The following FCHSD2 variants were observed in gnomAD, a reference collection of about 807,000 sequenced individuals.
The protein encoded by FCHSD2 is FCH and double SH3 domains 2.
A neutral mutation model predicts 108.1 loss-of-function variants in FCHSD2; 38 were observed. The ratio of observed to expected loss-of-function variants is 0.35; its 90% CI spans 0.27 to 0.46. FCHSD2 has a LOEUF of 0.46. Ranked by LOEUF, FCHSD2 falls within the 20% of genes least tolerant of loss-of-function variation. The probability of loss-of-function intolerance (pLI) is 1.00; values close to 1 mark genes in which losing one functional copy is unlikely to be tolerated. For synonymous variants in FCHSD2, 279 were observed against 314.7 expected, an observed-to-expected ratio of 0.89 and a Z score of 1.20; for missense variants, 751 against 897.8, an observed-to-expected ratio of 0.84 and a Z score of 2.09.
chr11:73,123,155 T>G (rs769665741), intron 2 of FCHSD2, among the ~76,000 whole-genome samples: 2 of 152,250 alleles, frequency 1.3e-5, no homozygotes, highest in African/African-American at 2.4e-5. Context: ...ACTCTCTTTA[T>G]CTATCATCTA....
chr11:73,111,906 A>G (rs1484160850), intron 2 of FCHSD2, among the ~76,000 whole-genome samples: 1 of 152,070 alleles, frequency 6.6e-6, no homozygotes, highest in Non-Finnish European at 1.5e-5. Flanking sequence ...TTGTCCCCCT[A>G]TTTTTAACTT....
chr11:73,020,083 T>C (rs1858065610), intron 3 of FCHSD2, among the ~76,000 whole-genome samples: 1 of 152,210 alleles, frequency 6.6e-6, no homozygotes, highest in African/African-American at 2.4e-5. Flanking sequence ...CATAAAGATG[T>C]ACTATCAATA....
intron 8 of FCHSD2, among the ~76,000 whole-genome samples, chr11:72,957,180 C>T (rs1164386028): frequency 9.3e-6 from 1 of 107,444 alleles, no homozygotes; most frequent in Non-Finnish European, 1.8e-5. Flanking sequence ...CTATCCCTCC[C>T]CCCTCCCCCC....
intron 3 of FCHSD2, among the ~76,000 whole-genome samples, chr11:73,054,728 T>A (rs1858982751): frequency 6.6e-6 from 1 of 152,110 alleles, no homozygotes; most frequent in Non-Finnish European, 1.5e-5. Context: ...CAGGCTGAAG[T>A]GCAGTGGCAC....
In FCHSD2 at chr11:72,889,854, T is replaced by C. The variant is rs1855277826; in HGVS notation, c.1016A>G (p.His339Arg). ...RKWATRVAREHKNIVHQQRVL... is the reference protein window; with the variant it reads ...RKWATRVARERKNIVHQQRVL... ...CCGTTGTTGGTGAACAATGTTTTTA[T>C]GCTCACGTGCCACACGTGTGGCCCA... The change falls in exon 11 of 20, where the codon CAT becomes CGT. Residue 339 changes from histidine (H) to arginine (R), a missense_variant. By Grantham distance (29) the His-to-Arg change is conservative. Transcript: ENST00000409418. 1 of 1,611,296 alleles carries C rather than the reference T, an allele frequency of 6.2e-7. No individual in the cohort carries two copies. Among genetic ancestry groups the C allele is most frequent in the South Asian group, 1.1e-5 (1 of 91,002 alleles).
At chr11:72,959,023 G>A (rs1856770288) in intron 8 of FCHSD2, among the ~76,000 whole-genome samples, 1 of 151,112 alleles carries the variant, frequency 6.6e-6, no homozygotes, top group African/African-American at 2.4e-5. Context: ...GTGTGTGTGT[G>A]TGTACATCCA....
Position 73,015,890 on chromosome 11 carries a change from TA to T in FCHSD2, c.166-6del. ...ACTAGCCAACTTCTGCATACCCTGT[TA>T]AAAAATACATATTTTTTCTAAAATA... On this transcript the variant is annotated splice_polypyrimidine_tract_variant and splice_region_variant and intron_variant, in intron 3 of 19. Coordinates refer to ENST00000409418, the MANE Select transcript of FCHSD2 (RefSeq NM_014824.3). 3 of 1,535,544 alleles carry T rather than the reference TA, an allele frequency of 2.0e-6. No individual in the cohort carries two copies. Among genetic ancestry groups the T allele is most frequent in the Non-Finnish European group, 2.7e-6 (3 of 1,121,878 alleles).
chr11:73,134,982 T>G (rs907247364), intron 2 of FCHSD2, among the ~76,000 whole-genome samples: 3 of 151,630 alleles, frequency 2.0e-5, no homozygotes, highest in African/African-American at 7.3e-5. Context: ...GTAGCTAGAG[T>G]AGCTAGGATT....
At chr11:73,112,771 C>A (rs1860517459) in intron 2 of FCHSD2, among the ~76,000 whole-genome samples, 1 of 152,102 alleles carries the variant, frequency 6.6e-6, no homozygotes, top group Admixed American at 6.5e-5. Flanking sequence ...GCCTCAGCCT[C>A]CTGAGTAGCT....
chr11:73,135,728 T>C (rs182374528), intron 2 of FCHSD2, among the ~76,000 whole-genome samples: 1 of 152,342 alleles, frequency 6.6e-6, no homozygotes, highest in Admixed American at 6.5e-5. Flanking sequence ...TGTCTTTTCA[T>C]CTCAAACTTC....
At chr11:73,098,032 T>C (rs1379209800) in intron 2 of FCHSD2, among the ~76,000 whole-genome samples, 1 of 152,184 alleles carries the variant, frequency 6.6e-6, no homozygotes, top group African/African-American at 2.4e-5. Flanking sequence ...AACTTTAGTT[T>C]CATTGATTCT....
At chr11:73,121,732 T>C (rs547652239) in intron 2 of FCHSD2, among the ~76,000 whole-genome samples, 6 of 150,750 alleles carry the variant, frequency 4.0e-5, no homozygotes, top group East Asian at 2.0e-4. Flanking sequence ...CTGTAAACAA[T>C]AGCTATAATT....
At chr11:73,129,290 C>T (rs1860935386) in intron 2 of FCHSD2, among the ~76,000 whole-genome samples, 1 of 152,176 alleles carries the variant, frequency 6.6e-6, no homozygotes, top group African/African-American at 2.4e-5. Context: ...GGTCCCCAAC[C>T]CCCAGGCCAC....
rs1275365808 is a variant in FCHSD2, at chr11:72,996,682, T to G, written c.387+4308A>C. Among the ~76,000 whole-genome samples, 4 of 152,262 alleles carry G rather than the reference T, an allele frequency of 2.6e-5. No homozygotes were observed. The East Asian group carries it at 7.7e-4, about 29-fold the overall frequency. On this transcript the variant is annotated intron_variant, in intron 5 of 19. Transcript: ENST00000409418. The stretch of plus-strand genomic sequence containing the variant: ...TTAAAAAAACATGAACTTTAAAATG[T>G]TGTAGAGGAAAAATTTTAAGTCAGA...
intron 2 of FCHSD2, among the ~76,000 whole-genome samples, chr11:73,099,992 C>T (rs1860180542): frequency 6.6e-6 from 1 of 152,224 alleles, no homozygotes; most frequent in African/African-American, 2.4e-5. Flanking sequence ...GAAGCACTCA[C>T]AGCATTTAAG....
At chr11:73,126,698 A>C (rs1252409055) in intron 2 of FCHSD2, among the ~76,000 whole-genome samples, 1 of 152,138 alleles carries the variant, frequency 6.6e-6, no homozygotes, top group Non-Finnish European at 1.5e-5. Flanking sequence ...TTTGAGCATA[A>C]TATTCACATA....
At chr11:73,118,804 C>T (rs1860664146) in intron 2 of FCHSD2, among the ~76,000 whole-genome samples, 2 of 152,108 alleles carry the variant, frequency 1.3e-5, no homozygotes, top group African/African-American at 4.8e-5. Context: ...ACCACTATTA[C>T]CATTTCTGTT....
chr11:73,067,804 C>T (rs1314543984), intron 3 of FCHSD2, among the ~76,000 whole-genome samples: 1 of 152,170 alleles, frequency 6.6e-6, no homozygotes, highest in African/African-American at 2.4e-5. Flanking sequence ...TCATTGAGAA[C>T]AGTCTTACAA....
At chr11:72,858,613 C>T (rs1389056568) in intron 13 of FCHSD2, among the ~76,000 whole-genome samples, 3 of 151,980 alleles carry the variant, frequency 2.0e-5, no homozygotes, top group African/African-American at 4.8e-5. Context: ...TGGGGCCTTT[C>T]GGAGGGTAGA....
Sources: gnomAD v4.1 joint callset for allele counts (sites outside exome capture counted in the v4.1 genomes callset) on GRCh38, gnomAD v4.1.1 for gene constraint, MANE v1.5 for transcripts, NCBI Gene and HGNC (gene_info 2026-07-23, HGNC 2026-07-21) for gene names.